Variants in ROR2 observed in about 807,000 individuals in gnomAD.
ROR2 encodes tyrosine-protein kinase transmembrane receptor ROR2.
Under a neutral mutation model 74.9 loss-of-function variants are expected in ROR2, and 33 were observed. The ratio of observed to expected loss-of-function variants is 0.44; its 90% CI spans 0.33 to 0.59. ROR2 has a LOEUF of 0.59. Ranked by LOEUF, ROR2 falls within the 20% of genes least tolerant of loss-of-function variation. The pLI, the probability that ROR2 is intolerant of heterozygous loss-of-function variation, is 0.02. For missense variants in ROR2, 1,216 were observed against 1,313.8 expected, an observed-to-expected ratio of 0.93 and a Z score of 1.15; for synonymous variants, 586 against 558.7, an observed-to-expected ratio of 1.05 and a Z score of -0.69.
chr9:91,948,115 C>G (rs182343850), intron 1 of ROR2, among the ~76,000 whole-genome samples: 1 of 152,280 alleles, frequency 6.6e-6, no homozygotes, highest in East Asian at 1.9e-4. Flanking sequence ...ACCCAAAACT[C>G]AAGGAACTTT....
chr9:91,897,838 CG>C (rs1432459230), intron 1 of ROR2, among the ~76,000 whole-genome samples: 4 of 152,200 alleles, frequency 2.6e-5, no homozygotes, highest in Non-Finnish European at 5.9e-5. Flanking sequence ...TCCCTGAGGA[CG>C]GGTCTGCTTC....
chr9:91,723,848 G>A lies in ROR2; in HGVS notation c.2646C>T (p.Ser882=). ...GYVTTAPSNT[S]MADRAALLSE... Reference sequence around the variant, plus strand: ...AGAGCAGGGCTGCCCTGTCTGCCATGGATGTGTTGGAGGGGGCCGTGGTGA... The same window carrying A: ...AGAGCAGGGCTGCCCTGTCTGCCATAGATGTGTTGGAGGGGGCCGTGGTGA... Residue 882 remains serine, a synonymous_variant, in exon 9 of 9, where the codon TCC becomes TCT. Coordinates refer to ENST00000375708, the MANE Select transcript of ROR2 (RefSeq NM_004560.4). 9 of 1,614,060 alleles carry A rather than the reference G, an allele frequency of 5.6e-6. No homozygotes were observed. The highest frequency in any genetic ancestry group is 7.6e-6 in the Non-Finnish European group (9 of 1,180,026).
chr9:91,839,703 T>C (rs969061562), intron 1 of ROR2, among the ~76,000 whole-genome samples: 1 of 149,742 alleles, frequency 6.7e-6, no homozygotes, highest in Non-Finnish European at 1.5e-5. Context: ...GTGTTGTATG[T>C]GGTGTGTGTG....
intron 7 of ROR2, 86 bp from the exon 8 acceptor site, chr9:91,726,829 C>A (rs550915385): frequency 2.1e-5 from 27 of 1,302,810 alleles, no homozygotes; most frequent in African/African-American, 1.7e-4. Context: ...CCACCTCCAG[C>A]CAAAATCTTC....
chr9:91,900,653 C>G (rs1049755559), intron 1 of ROR2, among the ~76,000 whole-genome samples: 4 of 152,172 alleles, frequency 2.6e-5, no homozygotes, highest in Non-Finnish European at 4.4e-5. Context: ...CGGGGCACGT[C>G]GGTTCCATGG....
chr9:91,912,245 T>G (rs1198713795), intron 1 of ROR2, among the ~76,000 whole-genome samples: 3 of 152,212 alleles, frequency 2.0e-5, no homozygotes, highest in Non-Finnish European at 4.4e-5. Flanking sequence ...CTTAAGAGAT[T>G]AACATTAAGG....
At chr9:91,749,683 T>C (rs1825543502) in intron 4 of ROR2, among the ~76,000 whole-genome samples, 2 of 152,152 alleles carry the variant, frequency 1.3e-5, no homozygotes, top group Admixed American at 6.5e-5. Context: ...CCCCCATCTA[T>C]AGAAATTTCA....
intron 1 of ROR2, among the ~76,000 whole-genome samples, chr9:91,798,700 G>T (rs1421677608): frequency 6.6e-6 from 1 of 151,868 alleles, no homozygotes; most frequent in East Asian, 1.9e-4. Context: ...GGGCGGGGCT[G>T]ACACCCTGGG....
At chr9:91,813,751 C>T (rs1429534913) in intron 1 of ROR2, among the ~76,000 whole-genome samples, 1 of 152,146 alleles carries the variant, frequency 6.6e-6, no homozygotes, top group African/African-American at 2.4e-5. Context: ...CTCTGAGAGC[C>T]CTTTCTGACT....
chr9:91,775,943 G>A (rs1446828141), intron 1 of ROR2, 125 bp from the exon 2 acceptor site: 11 of 773,904 alleles, frequency 1.4e-5, no homozygotes, highest in Middle Eastern at 2.5e-4. Context: ...AACACAGAGG[G>A]ATAAGACATT....
At chr9:91,857,472 AAC>A (rs1829328921) in intron 1 of ROR2, among the ~76,000 whole-genome samples, 1 of 152,160 alleles carries the variant, frequency 6.6e-6, no homozygotes, top group Admixed American at 6.5e-5. Context: ...GTCAACTAAA[AAC>A]ACACTTTTTA....
At chr9:91,921,288 T>C (rs1765805255) in intron 1 of ROR2, among the ~76,000 whole-genome samples, 1 of 152,366 alleles carries the variant, frequency 6.6e-6, no homozygotes, top group Non-Finnish European at 1.5e-5. Context: ...AATCAGTCCT[T>C]CTTTAATATA....
At chr9:91,839,181 G>C (rs1463923660) in intron 1 of ROR2, among the ~76,000 whole-genome samples, 1 of 151,836 alleles carries the variant, frequency 6.6e-6, no homozygotes, top group East Asian at 1.9e-4. Flanking sequence ...CAGGAGGCTG[G>C]GTGTATTTCG....
chr9:91,907,123 C>T (rs1433858433), intron 1 of ROR2, among the ~76,000 whole-genome samples: 1 of 151,954 alleles, frequency 6.6e-6, no homozygotes, highest in Non-Finnish European at 1.5e-5. Flanking sequence ...CTCACAGCAG[C>T]GTATGAAATC....
chr9:91,841,650 G>A lies in ROR2; in HGVS notation c.98-65832C>T, dbSNP rs148688677. Among the ~76,000 whole-genome samples, 444 of 152,282 alleles carry A rather than the reference G, an allele frequency of 2.9e-3. 5 individuals are homozygous for A. Among genetic ancestry groups the A allele is most frequent in the African/African-American group, 9.6e-3 (398 of 41,530 alleles). On this transcript the variant is annotated intron_variant, in intron 1 of 8. Transcript: ENST00000375708. Reference sequence around the variant, plus strand: ...GGTGCTCAGCAGTACAGCCCGGTGGGCTCCTGAGCAGCCTCCCTCGTCCCT... The same window carrying A: ...GGTGCTCAGCAGTACAGCCCGGTGGACTCCTGAGCAGCCTCCCTCGTCCCT...
chr9:91,754,837 C>T (rs1283846993), intron 4 of ROR2, among the ~76,000 whole-genome samples: 4 of 152,166 alleles, frequency 2.6e-5, no homozygotes, highest in Admixed American at 6.5e-5. Context: ...CACTATTGCT[C>T]AGCACAGAAT....
At chr9:91,752,605 G>C (rs1427067655) in intron 4 of ROR2, among the ~76,000 whole-genome samples, 1 of 152,230 alleles carries the variant, frequency 6.6e-6, no homozygotes, top group Admixed American at 6.5e-5. Flanking sequence ...TTGCACGACA[G>C]AGCCTGCAAG....
At chr9:91,926,449 A>T (rs549192317) in intron 1 of ROR2, among the ~76,000 whole-genome samples, 2 of 150,720 alleles carry the variant, frequency 1.3e-5, no homozygotes, top group South Asian at 4.2e-4. Flanking sequence ...AGGAGGCTGA[A>T]GCTGGAGAAT....
chr9:91,893,179 C>A (rs1358569388), intron 1 of ROR2, among the ~76,000 whole-genome samples: 1 of 152,116 alleles, frequency 6.6e-6, no homozygotes. Flanking sequence ...CTAGGAGACA[C>A]CCCTGCCGAC....
Sources: gnomAD v4.1 joint callset for allele counts (sites outside exome capture counted in the v4.1 genomes callset) on GRCh38, gnomAD v4.1.1 for gene constraint, MANE v1.5 for transcripts, NCBI Gene and HGNC (gene_info 2026-07-23, HGNC 2026-07-21) for gene names.